Variants in AIG1 observed in about 807,000 individuals in gnomAD.
The protein encoded by AIG1 is androgen-induced gene 1 protein.
A neutral mutation model predicts 31.4 loss-of-function variants in AIG1; 23 were observed. That is an observed-to-expected ratio of 0.73 (90% confidence interval 0.53 to 1.04). The LOEUF is 1.04. Among genes scored for constraint, AIG1 ranks in the 50% least tolerant of loss-of-function variants. AIG1 has a pLI of 0.00. For synonymous variants in AIG1, 100 were observed against 110.5 expected (o/e 0.90, Z 0.60); for missense variants, 274 against 295.0 (o/e 0.93, Z 0.52).
At chr6:143,281,316 G>GA (rs1350884967) in intron 3 of AIG1, among the ~76,000 whole-genome samples, 5 of 152,162 alleles carry the variant, frequency 3.3e-5, no homozygotes, top group Non-Finnish European at 7.4e-5. Flanking sequence ...AAATTATCTG[G>GA]AAAAATATTG....
chr6:143,288,948 A>G lies in AIG1; in HGVS notation c.515+4723A>G, dbSNP rs144128422. On this transcript the variant is annotated intron_variant, in intron 4 of 5. Coordinates refer to ENST00000357847, the MANE Select transcript of AIG1 (RefSeq NM_016108.4). The surrounding 1 kb of genome is among the most constrained non-coding windows in gnomAD (Gnocchi z 4.4). ...GGTTGGGAGTTGTTTGAAAGAGTTA[A>G]GCTTTGTCTAAAGACTTTAAGTCAG... Among the ~76,000 whole-genome samples, 5 of 152,348 alleles carry G rather than the reference A, an allele frequency of 3.3e-5. No individual in the cohort carries two copies. Among genetic ancestry groups the G allele is most frequent in the Non-Finnish European group, 5.9e-5 (4 of 68,030 alleles).
chr6:143,163,907 A>C (rs1217923308), intron 2 of AIG1, among the ~76,000 whole-genome samples: 1 of 152,022 alleles, frequency 6.6e-6, no homozygotes, highest in East Asian at 1.9e-4. Context: ...AATCCCTGTT[A>C]CATGTCTCAG....
At chr6:143,332,595 G>A (rs759462706) in intron 4 of AIG1, among the ~76,000 whole-genome samples, 5 of 152,204 alleles carry the variant, frequency 3.3e-5, no homozygotes, top group East Asian at 1.9e-4. Flanking sequence ...TCAGCATATG[G>A]CATGAGTGTT....
chr6:143,233,600 A>T (rs1793610672), intron 3 of AIG1, among the ~76,000 whole-genome samples: 1 of 151,798 alleles, frequency 6.6e-6, no homozygotes. Flanking sequence ...AAGAAAAGAA[A>T]AGAAAAGAAA....
At position 143,111,081 on chromosome 6, in the gene AIG1, T is replaced by G. The variant is rs1001473883; in HGVS notation, c.142-25754T>G. 4.3e-4 allele frequency among the ~76,000 whole-genome samples: 66 copies of G among 152,214 alleles called. 1 individual carries two copies. Among genetic ancestry groups the G allele is most frequent in the African/African-American group, 1.6e-3 (66 of 41,450 alleles). On this transcript the variant is annotated intron_variant, in intron 1 of 5. Coordinates refer to ENST00000357847, the MANE Select transcript of AIG1 (RefSeq NM_016108.4). Reference sequence around the variant, plus strand: ...ATTAAATAAGAAACATTTTGAAATTTAATAACTCATGTGTGAGTCAGTGAC... The same window carrying G: ...ATTAAATAAGAAACATTTTGAAATTGAATAACTCATGTGTGAGTCAGTGAC...
intron 1 of AIG1, among the ~76,000 whole-genome samples, chr6:143,093,161 GA>G (rs1346773462): frequency 3.3e-5 from 5 of 152,204 alleles, no homozygotes; most frequent in Non-Finnish European, 1.5e-5. Flanking sequence ...TCTTCTAATA[GA>G]AGGTTGTTTT....
At chr6:143,115,690 A>G (rs1470673961) in intron 1 of AIG1, among the ~76,000 whole-genome samples, 5 of 152,246 alleles carry the variant, frequency 3.3e-5, no homozygotes, top group African/African-American at 4.8e-5. Flanking sequence ...ATTCTGCATG[A>G]GAAGCACCAA....
intron 3 of AIG1, among the ~76,000 whole-genome samples, chr6:143,257,891 T>G (rs1795477786): frequency 6.6e-6 from 1 of 152,140 alleles, no homozygotes; most frequent in Admixed American, 6.5e-5. Flanking sequence ...AAGTATGCAC[T>G]TGAGTGAGAG....
chr6:143,194,346 G>A (rs1210994229), intron 3 of AIG1, among the ~76,000 whole-genome samples: 2 of 152,148 alleles, frequency 1.3e-5, no homozygotes, highest in Non-Finnish European at 2.9e-5. Context: ...ATAGCATGGG[G>A]CAAACTGCCC....
chr6:143,112,688 G>A (rs1183510213), intron 1 of AIG1, among the ~76,000 whole-genome samples: 1 of 152,118 alleles, frequency 6.6e-6, no homozygotes, highest in Admixed American at 6.5e-5. Flanking sequence ...TGTATACAAG[G>A]ATTGTTTGAG....
Position 143,333,977 on chromosome 6 carries a change from A to G in AIG1, c.679+532A>G. ...ACCAGTGGCTGTCACGGAAAGTCTGAAAGTGGCAAAGAGCTACAAGCAGTA... is the reference window on the plus strand; with the variant it reads ...ACCAGTGGCTGTCACGGAAAGTCTGGAAGTGGCAAAGAGCTACAAGCAGTA... On this transcript the variant is annotated intron_variant, in intron 5 of 5. Coordinates refer to ENST00000357847, the MANE Select transcript of AIG1 (RefSeq NM_016108.4). This position sits in a 1 kb window ranked among gnomAD's most constrained non-coding sequence, Gnocchi z 4.6. The G allele has an allele frequency of 1.5e-6, 2 of 1,328,918 alleles. No individual in the cohort carries two copies. The highest frequency in any genetic ancestry group is 2.1e-6 in the Non-Finnish European group (2 of 955,536). The allele number at this position is 1,328,918 out of a possible 1,614,324, so 82.3% of individuals were successfully genotyped here. A position where few individuals can be genotyped will look rare whatever the true frequency, so the allele number is the denominator to read the frequency against.
intron 3 of AIG1, among the ~76,000 whole-genome samples, chr6:143,202,765 T>C (rs1206894510): frequency 2.6e-5 from 4 of 152,094 alleles, no homozygotes. Flanking sequence ...CTGGATTTGA[T>C]TTCTAGAGCT....
chr6:143,120,813 G>A (rs986655391), intron 1 of AIG1, among the ~76,000 whole-genome samples: 8 of 152,178 alleles, frequency 5.3e-5, no homozygotes, highest in African/African-American at 1.9e-4. Flanking sequence ...CCCAAAACTG[G>A]CCATAAACAA....
intron 2 of AIG1, among the ~76,000 whole-genome samples, chr6:143,160,243 G>A (rs1475478335): frequency 2.0e-5 from 3 of 152,070 alleles, no homozygotes; most frequent in African/African-American, 7.2e-5. Context: ...AACATTCTTT[G>A]CATTCTAATT....
chr6:143,148,996 G>A (rs2128542865), intron 2 of AIG1, among the ~76,000 whole-genome samples: 1 of 152,098 alleles, frequency 6.6e-6, no homozygotes, highest in East Asian at 1.9e-4. Flanking sequence ...GTATGCAGTA[G>A]GCTATACCAC....
intron 3 of AIG1, among the ~76,000 whole-genome samples, chr6:143,217,053 A>G (rs1014802435): frequency 1.3e-5 from 2 of 152,224 alleles, no homozygotes; most frequent in Non-Finnish European, 2.9e-5. Context: ...AATACTTGAC[A>G]TATTCAATTG....
chr6:143,186,931 A>G (rs1010915194), intron 3 of AIG1: 3 of 173,108 alleles, frequency 1.7e-5, no homozygotes, highest in African/African-American at 4.8e-5. Context: ...TTGCAAGTAC[A>G]GAATACCGTG....
At chr6:143,214,943 T>C (rs1791905533) in intron 3 of AIG1, among the ~76,000 whole-genome samples, 1 of 152,174 alleles carries the variant, frequency 6.6e-6, no homozygotes, top group South Asian at 2.1e-4. Context: ...TTCCATGGTG[T>C]ACAAATATAC....
At chr6:143,159,477 A>G (rs1455805824) in intron 2 of AIG1, among the ~76,000 whole-genome samples, 2 of 152,244 alleles carry the variant, frequency 1.3e-5, no homozygotes, top group African/African-American at 2.4e-5. Flanking sequence ...TGCTTTGGCA[A>G]TTTTCTATGT....
Sources: gnomAD v4.1 joint callset for allele counts (sites outside exome capture counted in the v4.1 genomes callset) on GRCh38, gnomAD v4.1.1 for gene constraint, Gnocchi (gnomAD v3.1) non-coding constraint, MANE v1.5 for transcripts, NCBI Gene and HGNC (gene_info 2026-07-23, HGNC 2026-07-21) for gene names.